ELFN2: variants seen among roughly 807,000 people sequenced by gnomAD.
ELFN2 encodes the protein protein phosphatase 1 regulatory subunit 29.
A neutral mutation model predicts 45.5 loss-of-function variants in ELFN2; 17 were observed. The ratio of observed to expected loss-of-function variants is 0.37; its 90% CI spans 0.26 to 0.56. ELFN2 has a LOEUF of 0.56. Among genes scored for constraint, ELFN2 ranks in the 20% least tolerant of loss-of-function variants. ELFN2 has a pLI of 0.77. For synonymous variants in ELFN2, 550 were observed against 551.5 expected (o/e 1.00, Z 0.04); for missense variants, 922 against 1,183.2 (o/e 0.78, Z 3.24).
At chr22:37,396,633 ACGCCCCCTTCCCTTCCAGG>A (rs1023321136) in intron 2 of ELFN2, among the ~76,000 whole-genome samples, 1 of 152,016 alleles carries the variant, frequency 6.6e-6, no homozygotes, top group Non-Finnish European at 1.5e-5. Flanking sequence ...CCTCCCAGCC[ACGCCCCCTTCCCTTCCAGG>A]CGCCCCCTTC....
At chr22:37,361,266 T>C (rs965404895) in intron 1 of ELFN2, among the ~76,000 whole-genome samples, 4 of 152,104 alleles carry the variant, frequency 2.6e-5, no homozygotes, top group African/African-American at 9.7e-5. Flanking sequence ...AAAAATATGC[T>C]TTTTACTTAG....
At chr22:37,346,362 C>A (rs1930696818) in intron 1 of ELFN2, among the ~76,000 whole-genome samples, 1 of 152,008 alleles carries the variant, frequency 6.6e-6, no homozygotes, top group African/African-American at 2.4e-5. Flanking sequence ...GTCCAGAGTG[C>A]CCTCCAGTCT....
chr22:37,390,874 G>A (rs1277464224), intron 2 of ELFN2, among the ~76,000 whole-genome samples: 1 of 152,210 alleles, frequency 6.6e-6, no homozygotes, highest in Admixed American at 6.5e-5. Context: ...CTGGCCCAGG[G>A]GGAGGCCCTG....
Position 37,371,788 on chromosome 22 carries a change from T to A in ELFN2, c.*1284A>T, listed in dbSNP as rs1931374719. 1 of 151,184 alleles carries A rather than the reference T, an allele frequency of 6.6e-6. No individual in the cohort carries two copies. The highest frequency in any genetic ancestry group is 2.1e-4 in the South Asian group (1 of 4,808). The allele number at this position is 151,184 out of a possible 1,614,324, so 9.4% of individuals were successfully genotyped here. On this transcript the variant is annotated 3_prime_UTR_variant, in exon 3 of 3. Coordinates refer to ENST00000402918, the MANE Select transcript of ELFN2 (RefSeq NM_052906.5). The surrounding 1 kb of genome is among the most constrained non-coding windows in gnomAD (Gnocchi z 6.4). ...TCTCGGGTGGGGGCCTCACTGTTTG[T>A]GCTTTGTTTGATGTTGGGTGGGGGG...
In ELFN2 at chr22:37,374,881, C is replaced by T. The variant is rs149082389; in HGVS notation, c.654G>A (p.Pro218=). 15 of 1,610,446 alleles carry T rather than the reference C, an allele frequency of 9.3e-6. No individual in the cohort carries two copies. In the South Asian group the frequency reaches 1.1e-4, roughly 12 times the overall value. ...KNYDRLQCES[P]REFAGYPLLV... ...GCAGCGGGTAGCCGGCAAACTCCCG[C>T]GGCGACTCACACTGCAGGCGGTCGT... Residue 218 remains proline, a synonymous_variant, in exon 3 of 3, where the codon CCG becomes CCA. Coordinates refer to ENST00000402918, the MANE Select transcript of ELFN2 (RefSeq NM_052906.5).
intron 2 of ELFN2, among the ~76,000 whole-genome samples, chr22:37,410,270 T>A (rs747652722): frequency 7.2e-5 from 11 of 152,152 alleles, no homozygotes; most frequent in Non-Finnish European, 1.5e-4. Flanking sequence ...AGGGTGATCC[T>A]GCTCAGAGCA....
intron 1 of ELFN2, among the ~76,000 whole-genome samples, chr22:37,352,919 G>C (rs5995419): frequency 0.11 from 16,163 of 150,900 alleles, 1,814 homozygotes; most frequent in African/African-American, 0.24. Context: ...AGGATGGCCA[G>C]AGCTGAAGCA....
intron 2 of ELFN2, among the ~76,000 whole-genome samples, chr22:37,395,902 A>G (rs991550347): frequency 2.6e-5 from 4 of 152,150 alleles, no homozygotes; most frequent in African/African-American, 9.7e-5. Flanking sequence ...CTGTCAGCAC[A>G]AGCACCACAG....
Sources: gnomAD v4.1 joint callset for allele counts (sites outside exome capture counted in the v4.1 genomes callset) on GRCh38, gnomAD v4.1.1 for gene constraint, Gnocchi (gnomAD v3.1) non-coding constraint, MANE v1.5 for transcripts, NCBI Gene and HGNC (gene_info 2026-07-23, HGNC 2026-07-21) for gene names.